The following TAFA1 variants were observed in gnomAD, a reference collection of about 807,000 sequenced individuals.
TAFA1 encodes the protein chemokine-like protein TAFA-1.
TAFA1 carries 4 observed loss-of-function variants against 18.5 expected under a neutral mutation model. The observed-to-expected ratio is 0.22, with a 90% CI of 0.11 to 0.49. The LOEUF is 0.49. TAFA1 is among the 20% of genes least tolerant of loss of function. The pLI, the probability that TAFA1 is intolerant of heterozygous loss-of-function variation, is 0.98. For synonymous variants in TAFA1, 56 were observed against 55.2 expected (o/e 1.01, Z -0.06); for missense variants, 147 against 169.0 (o/e 0.87, Z 0.72).
chr3:68,361,614 A>G (rs1212124060), intron 2 of TAFA1, among the ~76,000 whole-genome samples: 1 of 151,276 alleles, frequency 6.6e-6, no homozygotes, highest in Non-Finnish European at 1.5e-5. Flanking sequence ...AGTGTGTAAA[A>G]TATTTTGTAT....
chr3:68,198,975 T>G (rs2066443649), intron 2 of TAFA1, among the ~76,000 whole-genome samples: 1 of 151,572 alleles, frequency 6.6e-6, no homozygotes, highest in Non-Finnish European at 1.5e-5. Flanking sequence ...TTCTTTTATG[T>G]TATCTTCTAG....
intron 2 of TAFA1, among the ~76,000 whole-genome samples, chr3:68,360,910 T>C (rs1452791161): frequency 1.3e-5 from 2 of 152,146 alleles, no homozygotes; most frequent in African/African-American, 4.8e-5. Flanking sequence ...GGCTTTTAAA[T>C]CACCAAGTTT....
chr3:68,108,582 T>C (rs2065230248), intron 2 of TAFA1, among the ~76,000 whole-genome samples: 1 of 151,988 alleles, frequency 6.6e-6, no homozygotes, highest in South Asian at 2.1e-4. Context: ...TGCCCTGGGA[T>C]TAAGGTTCCT....
In TAFA1 at chr3:68,027,809, T is replaced by C. The variant is rs144484270; in HGVS notation, c.118+21065T>C. On this transcript the variant is annotated intron_variant, in intron 2 of 4. Transcript: ENST00000478136. ...ACTAGTGTTCTCAGCTTAATGTTTTTGAATGAATAAAGAAACCTACAAGTT... is the reference window on the plus strand; with the variant it reads ...ACTAGTGTTCTCAGCTTAATGTTTTCGAATGAATAAAGAAACCTACAAGTT... 1.1e-4 allele frequency among the ~76,000 whole-genome samples: 17 copies of C among 152,338 alleles called. No homozygotes were observed. In the East Asian group the frequency reaches 2.3e-3, roughly 21 times the overall value.
chr3:68,466,821 C>T lies in TAFA1; in HGVS notation c.259+49401C>T, dbSNP rs186376644. ...TTTTCTATTTTCCCTAAGTGTCGGC[C>T]GGTCTGAGAAATAAAGGGAAAGAGT... On this transcript the variant is annotated intron_variant, in intron 3 of 4. Transcript: ENST00000478136. 4.4e-3 allele frequency among the ~76,000 whole-genome samples: 663 copies of T among 152,164 alleles called. 24 individuals carry two copies. The highest frequency in any genetic ancestry group is 3.4e-3 in the Middle Eastern group (1 of 294).
rs115025414 is a variant in TAFA1 at position 68,390,008 on chromosome 3, G to A, written c.119-27272G>A. On this transcript the variant is annotated intron_variant, in intron 2 of 4. Transcript: ENST00000478136. The stretch of plus-strand genomic sequence containing the variant: ...GGTGCCTGGAATGCCAGTGACAACC[G>A]TTCACTCCCCTGGAAAGGGGGGTGA... 2.9e-3 allele frequency among the ~76,000 whole-genome samples: 434 copies of A among 152,126 alleles called. 1 individual carries two copies. Among genetic ancestry groups the A allele is most frequent in the African/African-American group, 9.2e-3 (383 of 41,510 alleles).
chr3:68,181,964 C>T (rs571813214), intron 2 of TAFA1, among the ~76,000 whole-genome samples: 8 of 152,196 alleles, frequency 5.3e-5, no homozygotes, highest in Admixed American at 3.9e-4. Context: ...CCCAGCACTT[C>T]GGGAGGCTAA....
At chr3:68,010,740 A>C (rs1306189443) in intron 2 of TAFA1, among the ~76,000 whole-genome samples, 1 of 152,258 alleles carries the variant, frequency 6.6e-6, no homozygotes, top group Admixed American at 6.5e-5. Flanking sequence ...AATGTGCTGT[A>C]GATTAACAGA....
At chr3:68,519,176 A>C (rs983191) in intron 3 of TAFA1, among the ~76,000 whole-genome samples, 120,557 of 152,076 alleles carry the variant, frequency 0.79, 47,874 homozygotes, top group East Asian at 0.89. Context: ...TGATATTAGA[A>C]GACGAGGGCC....
chr3:68,276,925 T>C (rs1342310068), intron 2 of TAFA1, among the ~76,000 whole-genome samples: 1 of 152,106 alleles, frequency 6.6e-6, no homozygotes, highest in Non-Finnish European at 1.5e-5. Flanking sequence ...AAAAATAACT[T>C]TTTTCTGATT....
At chr3:68,502,000 T>C (rs1256348399) in intron 3 of TAFA1, among the ~76,000 whole-genome samples, 1 of 152,094 alleles carries the variant, frequency 6.6e-6, no homozygotes, top group East Asian at 1.9e-4. Context: ...TCCAAACTAT[T>C]TGGGAGGTTA....
At chr3:68,072,827 T>G (rs957508431) in intron 2 of TAFA1, among the ~76,000 whole-genome samples, 9 of 152,202 alleles carry the variant, frequency 5.9e-5, no homozygotes, top group Non-Finnish European at 1.3e-4. Flanking sequence ...ACTGGTTTTG[T>G]CTGAAGCTTG....
chr3:68,078,119 G>T (rs1375918465), intron 2 of TAFA1, among the ~76,000 whole-genome samples: 2 of 151,828 alleles, frequency 1.3e-5, no homozygotes, highest in African/African-American at 4.8e-5. Context: ...TTTGTCTGTT[G>T]TTGGTGTATA....
intron 2 of TAFA1, among the ~76,000 whole-genome samples, chr3:68,142,100 G>A (rs1266547418): frequency 6.6e-6 from 1 of 152,106 alleles, no homozygotes; most frequent in Non-Finnish European, 1.5e-5. Context: ...ATCCCACATG[G>A]CATATTGGGG....
At chr3:68,373,301 G>C (rs1443679810) in intron 2 of TAFA1, among the ~76,000 whole-genome samples, 1 of 152,128 alleles carries the variant, frequency 6.6e-6, no homozygotes, top group Non-Finnish European at 1.5e-5. Context: ...AAGGGAAGAA[G>C]AACATATATT....
chr3:68,447,881 G>A (rs937964400), intron 3 of TAFA1, among the ~76,000 whole-genome samples: 2 of 152,308 alleles, frequency 1.3e-5, no homozygotes, highest in Middle Eastern at 3.4e-3. Flanking sequence ...TGTACAGCAC[G>A]ACTTGCCAGA....
At chr3:68,383,280 G>GC (rs71112639) in intron 2 of TAFA1, among the ~76,000 whole-genome samples, 146,142 of 152,122 alleles carry the variant, frequency 0.96, 70,503 homozygotes, top group East Asian at 1. Context: ...GAGGGGAAAT[G>GC]TTCCAGCTTT....
intron 2 of TAFA1, among the ~76,000 whole-genome samples, chr3:68,088,544 T>C (rs1306127202): frequency 1.3e-5 from 2 of 152,212 alleles, no homozygotes; most frequent in Non-Finnish European, 2.9e-5. Flanking sequence ...CAGTGCTGGA[T>C]AATTTCTTAG....
chr3:68,372,118 C>G (rs1382256487), intron 2 of TAFA1, among the ~76,000 whole-genome samples: 2 of 152,038 alleles, frequency 1.3e-5, no homozygotes, highest in Non-Finnish European at 2.9e-5. Flanking sequence ...CACTTTTATC[C>G]AAACTTTTGG....
Sources: allele counts gnomAD v4.1 joint callset (sites outside exome capture counted in the v4.1 genomes callset), GRCh38; gene constraint gnomAD v4.1.1; transcripts MANE v1.5; gene names NCBI Gene and HGNC (gene_info 2026-07-23, HGNC 2026-07-21).